NFIX: variants seen among roughly 807,000 people sequenced by gnomAD.
NFIX encodes nuclear factor I X, also known as nuclear factor 1 X-type.
In NFIX, 2 loss-of-function variants were observed where a neutral mutation model predicts 53.3. The ratio of observed to expected loss-of-function variants is 0.04; its 90% CI spans 0.02 to 0.12. The LOEUF (loss-of-function observed/expected upper bound fraction) is 0.12, where lower values mean the gene tolerates loss of function less well. NFIX is among the 10% of genes least tolerant of loss of function. The pLI is 1.00. For synonymous variants in NFIX, 244 were observed against 289.0 expected, an observed-to-expected ratio of 0.84 and a Z score of 1.58; for missense variants, 310 against 674.5, an observed-to-expected ratio of 0.46 and a Z score of 5.99.
intron 10 of NFIX, among the ~76,000 whole-genome samples, chr19:13,092,452 A>AC (rs913960436): frequency 1.3e-5 from 2 of 151,536 alleles, no homozygotes; most frequent in African/African-American, 2.4e-5. Context: ...CCTGAGGAGG[A>AC]CCCCCCAGTC....
Position 13,011,410 on chromosome 19 carries a change from T to C in NFIX, c.28-13611T>C, listed in dbSNP as rs556579593. Among the ~76,000 whole-genome samples, 5 of 152,020 alleles carry C rather than the reference T, an allele frequency of 3.3e-5. No individual in the cohort carries two copies. The East Asian group carries it at 9.7e-4, about 30-fold the overall frequency. On this transcript the variant is annotated intron_variant, in intron 1 of 10. Coordinates refer to ENST00000592199, the MANE Select transcript of NFIX (RefSeq NM_001365902.3). This position sits in a 1 kb window ranked among gnomAD's most constrained non-coding sequence, Gnocchi z 6.5. ...ATTTCCACTTGCCCCCGAGTCCAGC[T>C]CGGGCCGCACGCTACCCGCCCTCCA...
chr19:13,062,502 T>C (rs1241519693), intron 2 of NFIX, among the ~76,000 whole-genome samples: 1 of 152,188 alleles, frequency 6.6e-6, no homozygotes, highest in Non-Finnish European at 1.5e-5. Context: ...AGAGGGCTTG[T>C]CCTCAAGGGG....
In NFIX at chr19:13,013,739, T is replaced by A. The variant is rs991996664; in HGVS notation, c.28-11282T>A. Reference sequence around the variant, plus strand: ...GAGGCTGAATGGTAGAAACAGGCTGTTAAAAAAAGAAAAATACGTGCCGGT... The same window carrying A: ...GAGGCTGAATGGTAGAAACAGGCTGATAAAAAAAGAAAAATACGTGCCGGT... On this transcript the variant is annotated intron_variant, in intron 1 of 10. Coordinates refer to ENST00000592199, the MANE Select transcript of NFIX (RefSeq NM_001365902.3). The surrounding 1 kb of genome is among the most constrained non-coding windows in gnomAD (Gnocchi z 5.9). The A allele has an allele frequency of 9.2e-5, 14 of 152,148 alleles. No individual in the cohort carries two copies. Among genetic ancestry groups the A allele is most frequent in the African/African-American group, 3.4e-4 (14 of 41,430 alleles). 9.4% of individuals were successfully genotyped at this position (152,148 alleles called of 1,614,324 possible). A position where few individuals can be genotyped will look rare whatever the true frequency, so the allele number is the denominator to read the frequency against.
In NFIX at chr19:13,025,610, C is replaced by G; in HGVS notation, c.559+58C>G. ...TTTATTTTCCTTGCTGGCATTTGTT[C>G]TGTTTATTGTTCCTCTAATTTCCAA... On this transcript the variant is annotated intron_variant, in intron 2 of 10. Coordinates refer to ENST00000592199, the MANE Select transcript of NFIX (RefSeq NM_001365902.3). This position sits in a 1 kb window ranked among gnomAD's most constrained non-coding sequence, Gnocchi z 7.5. The G allele has an allele frequency of 3.8e-6, 6 of 1,564,298 alleles. No homozygotes were observed. In the Admixed American group the frequency reaches 1.0e-4, roughly 27 times the overall value.
intron 2 of NFIX, among the ~76,000 whole-genome samples, chr19:13,054,879 GACAC>G (rs1034000259): frequency 6.6e-6 from 1 of 152,164 alleles, no homozygotes; most frequent in African/African-American, 2.4e-5. Context: ...CACACACAGA[GACAC>G]ACACAGTCCT....
rs1323320355 is a variant in NFIX at position 13,021,515 on chromosome 19, A to C, written c.28-3506A>C. ...GCACAGGGTTTCAGTTGGGGAAGAA[A>C]GGGGCACGAGTGAGCAGTGACCTTT... On this transcript the variant is annotated intron_variant, in intron 1 of 10. Transcript: ENST00000592199. This position sits in a 1 kb window ranked among gnomAD's most constrained non-coding sequence, Gnocchi z 4.2. Among the ~76,000 whole-genome samples the C allele has an allele frequency of 6.6e-6, 1 of 152,152 alleles. No homozygotes were observed. The highest frequency in any genetic ancestry group is 1.5e-5 in the Non-Finnish European group (1 of 68,018).
chr19:13,060,324 C>A lies in NFIX; in HGVS notation c.560-12723C>A, dbSNP rs561186444. ...TGGATGGGCCATTCCTGGCCCAGAGCCTGAGGCCATTGGAAAGGGCCTATA... is the reference window on the plus strand; with the variant it reads ...TGGATGGGCCATTCCTGGCCCAGAGACTGAGGCCATTGGAAAGGGCCTATA... On this transcript the variant is annotated intron_variant, in intron 2 of 10. Coordinates refer to ENST00000592199, the MANE Select transcript of NFIX (RefSeq NM_001365902.3). The surrounding 1 kb of genome is among the most constrained non-coding windows in gnomAD (Gnocchi z 4.3). Among the ~76,000 whole-genome samples, 1 of 152,374 alleles carries A rather than the reference C, an allele frequency of 6.6e-6. No homozygotes were observed. The highest frequency in any genetic ancestry group is 1.9e-4 in the East Asian group (1 of 5,186).
Position 13,066,899 on chromosome 19 carries a change from C to G in NFIX, c.560-6148C>G, listed in dbSNP as rs956990945. 6.6e-6 allele frequency among the ~76,000 whole-genome samples: 1 copy of G among 152,212 alleles called. No homozygotes were observed. Among genetic ancestry groups the G allele is most frequent in the African/African-American group, 2.4e-5 (1 of 41,442 alleles). The stretch of plus-strand genomic sequence containing the variant: ...TCTGGCTGCCCTGCATTCTCAAGGA[C>G]TTCCTTGGTCCCCTGAGTCTCCTGT... On this transcript the variant is annotated intron_variant, in intron 2 of 10. Transcript: ENST00000592199. This position sits in a 1 kb window ranked among gnomAD's most constrained non-coding sequence, Gnocchi z 4.2.
Position 13,094,668 on chromosome 19 carries a change from C to A in NFIX, c.*19C>A. The A allele has an allele frequency of 6.5e-7, 1 of 1,535,290 alleles. No homozygotes were observed. Among genetic ancestry groups the A allele is most frequent in the Non-Finnish European group, 8.7e-7 (1 of 1,146,194 alleles). On this transcript the variant is annotated 3_prime_UTR_variant, in exon 11 of 11. Transcript: ENST00000592199. This position sits in a 1 kb window ranked among gnomAD's most constrained non-coding sequence, Gnocchi z 4.3. ...CCTCTGATAAGATCGACAAAAGAAA[C>A]AACAAAATGAGAAGAAGAGGTTCCT...
chr19:13,043,112 G>A lies in NFIX; in HGVS notation c.559+17560G>A, dbSNP rs971760182. On this transcript the variant is annotated intron_variant, in intron 2 of 10. Transcript: ENST00000592199. This position sits in a 1 kb window ranked among gnomAD's most constrained non-coding sequence, Gnocchi z 4.0. ...CATCCCTGTCATAGGTGTATGTCCC[G>A]TTCCTGTATTTATTCTCTGCATCAG... is the stretch of plus-strand genomic sequence containing the variant. Among the ~76,000 whole-genome samples the A allele has an allele frequency of 2.0e-5, 3 of 152,174 alleles. No homozygotes were observed. The highest frequency in any genetic ancestry group is 4.8e-5 in the African/African-American group (2 of 41,440).
intron 2 of NFIX, among the ~76,000 whole-genome samples, chr19:13,071,716 C>T (rs1236627997): frequency 2.0e-5 from 3 of 152,182 alleles, no homozygotes; most frequent in Non-Finnish European, 4.4e-5. Context: ...GAAACAGTCA[C>T]CCTTTTTTAC....
chr19:13,063,822 T>C (rs2016240041), intron 2 of NFIX, among the ~76,000 whole-genome samples: 1 of 151,848 alleles, frequency 6.6e-6, no homozygotes, highest in Admixed American at 6.6e-5. Flanking sequence ...GGCATTAGAG[T>C]CTGGAGGACT....
rs2145118259 is a variant in NFIX at position 12,996,148 on chromosome 19, TG to T, written c.27+285del. Among the ~76,000 whole-genome samples the T allele has an allele frequency of 6.7e-6, 1 of 149,134 alleles. No individual in the cohort carries two copies. Among genetic ancestry groups the T allele is most frequent in the South Asian group, 2.1e-4 (1 of 4,776 alleles). ...GCAGGCGGGAGTGCGTGTACGTGTG[TG>T]TGTGTGTGTGTGTGTGTGTGTGCGC... On this transcript the variant is annotated intron_variant, in intron 1 of 10. Transcript: ENST00000592199. This position sits in a 1 kb window ranked among gnomAD's most constrained non-coding sequence, Gnocchi z 5.2.
rs892663379 is a variant in NFIX, at chr19:12,996,032, G to T, written c.27+168G>T. ...GGGGAGCCCAGGCACGCGTGCGGGC[G>T]TCACCGTGCGCGTGCGACCCTGGCC... On this transcript the variant is annotated intron_variant, in intron 1 of 10. Coordinates refer to ENST00000592199, the MANE Select transcript of NFIX (RefSeq NM_001365902.3). This position sits in a 1 kb window ranked among gnomAD's most constrained non-coding sequence, Gnocchi z 5.2. Among the ~76,000 whole-genome samples, 8 of 151,076 alleles carry T rather than the reference G, an allele frequency of 5.3e-5. No homozygotes were observed. The highest frequency in any genetic ancestry group is 1.9e-4 in the African/African-American group (8 of 41,232).
chr19:13,026,685 T>A (rs935541254), intron 2 of NFIX, among the ~76,000 whole-genome samples: 3 of 152,096 alleles, frequency 2.0e-5, no homozygotes, highest in Admixed American at 2.0e-4. Flanking sequence ...GTGTTTACAT[T>A]ATGCCCAACC....
chr19:13,066,071 C>T lies in NFIX; in HGVS notation c.560-6976C>T, dbSNP rs1007887385. On this transcript the variant is annotated intron_variant, in intron 2 of 10. Transcript: ENST00000592199. This position sits in a 1 kb window ranked among gnomAD's most constrained non-coding sequence, Gnocchi z 4.2. ...GAGACAGGCCTTCTTCACCTCGACA[C>T]CGTGTGGGGCCTGAGGCTTTCAGAT... 9.2e-5 allele frequency among the ~76,000 whole-genome samples: 14 copies of T among 152,106 alleles called. No individual in the cohort carries two copies. The highest frequency in any genetic ancestry group is 3.4e-4 in the African/African-American group (14 of 41,386).
At chr19:13,087,774 CAAAAA>C (rs1157966190) in intron 8 of NFIX, among the ~76,000 whole-genome samples, 6 of 26,394 alleles carry the variant, frequency 2.3e-4, no homozygotes, top group African/African-American at 8.9e-4. Flanking sequence ...AAAAGAGGAC[CAAAAA>C]AAAAAAAAAA....
intron 1 of NFIX, among the ~76,000 whole-genome samples, chr19:13,023,072 C>CTT (rs2013037941): frequency 6.8e-6 from 1 of 146,412 alleles, no homozygotes; most frequent in African/African-American, 2.5e-5. Context: ...CTCTCTCTTT[C>CTT]TCTCTCTCTC....
intron 1 of NFIX, among the ~76,000 whole-genome samples, chr19:13,008,344 A>C (rs1344277642): frequency 6.6e-6 from 1 of 152,122 alleles, no homozygotes; most frequent in Non-Finnish European, 1.5e-5. Context: ...TGAGTCCCTA[A>C]AAGTGGGCTC....
Sources: gnomAD v4.1 joint callset for allele counts (sites outside exome capture counted in the v4.1 genomes callset) on GRCh38, gnomAD v4.1.1 for gene constraint, Gnocchi (gnomAD v3.1) non-coding constraint, MANE v1.5 for transcripts, NCBI Gene and HGNC (gene_info 2026-07-23, HGNC 2026-07-21) for gene names.